Variants in SLC27A6 observed in about 807,000 individuals in gnomAD.
SLC27A6 encodes the protein solute carrier family 27 member 6.
SLC27A6 carries 74 observed loss-of-function variants against 63.9 expected under a neutral mutation model. That is an observed-to-expected ratio of 1.16 (90% CI 0.96 to 1.40). The LOEUF (loss-of-function observed/expected upper bound fraction) is 1.40, where lower values mean the gene tolerates loss of function less well. SLC27A6 is among the 40% of genes most tolerant of loss of function. The pLI is 0.00. For synonymous variants in SLC27A6, 287 were observed against 260.8 expected, an observed-to-expected ratio of 1.10 and a Z score of -0.97; for missense variants, 794 against 732.9, an observed-to-expected ratio of 1.08 and a Z score of -0.96.
chr5:129,024,487 G>T (rs983484257), intron 6 of SLC27A6, among the ~76,000 whole-genome samples: 2 of 152,060 alleles, frequency 1.3e-5, no homozygotes, highest in East Asian at 3.9e-4. Flanking sequence ...ATTAAGTGAG[G>T]TTATTGTGGA....
intron 4 of SLC27A6, among the ~76,000 whole-genome samples, chr5:129,005,608 A>ATTTTTTTTT (rs34048257): frequency 2.0e-5 from 2 of 98,916 alleles, no homozygotes; most frequent in African/African-American, 3.9e-5. Context: ...GTCTGGTTGT[A>ATTTTTTTTT]TTTTTTTTTT....
intron 9 of SLC27A6, among the ~76,000 whole-genome samples, chr5:129,031,638 T>C (rs1752418224): frequency 1.3e-5 from 2 of 151,936 alleles, no homozygotes; most frequent in South Asian, 4.2e-4. Flanking sequence ...GTGTTAAAAA[T>C]TTTGATATTC....
intron 4 of SLC27A6, among the ~76,000 whole-genome samples, chr5:129,001,669 T>A (rs554087123): frequency 9.8e-5 from 15 of 152,336 alleles, no homozygotes; most frequent in African/African-American, 3.4e-4. Context: ...GTTTCTTTTG[T>A]GTCTCTCCAC....
chr5:129,007,059 A>G (rs542256738), intron 4 of SLC27A6, among the ~76,000 whole-genome samples: 37 of 152,322 alleles, frequency 2.4e-4, no homozygotes, highest in African/African-American at 8.2e-4. Flanking sequence ...AAAATAATAT[A>G]TAGATTTTTT....
chr5:128,967,033 A>T (rs922442465), intron 1 of SLC27A6, among the ~76,000 whole-genome samples: 1 of 152,162 alleles, frequency 6.6e-6, no homozygotes, highest in Non-Finnish European at 1.5e-5. Flanking sequence ...CAGAAGAGAT[A>T]TGTTTAAAGG....
chr5:128,990,314 G>A (rs755824352), intron 3 of SLC27A6, 26 bp from the exon 4 acceptor site: 2 of 1,604,842 alleles, frequency 1.2e-6, no homozygotes, highest in Admixed American at 3.5e-5. Context: ...TTTTTCCCTA[G>A]TGCCTGTTTT....
At chr5:128,991,325 G>C (rs975961872) in intron 4 of SLC27A6, among the ~76,000 whole-genome samples, 2 of 152,176 alleles carry the variant, frequency 1.3e-5, no homozygotes, top group African/African-American at 4.8e-5. Context: ...AGGAAATCCA[G>C]CTAGTCCTGT....
intron 4 of SLC27A6, among the ~76,000 whole-genome samples, chr5:129,015,184 G>A (rs1283777484): frequency 6.6e-6 from 1 of 152,086 alleles, no homozygotes; most frequent in Non-Finnish European, 1.5e-5. Flanking sequence ...TTAGGTGAGT[G>A]TAAAAGTTCA....
At chr5:128,977,885 A>G (rs1433417332) in intron 1 of SLC27A6, among the ~76,000 whole-genome samples, 4 of 152,340 alleles carry the variant, frequency 2.6e-5, no homozygotes, top group South Asian at 2.1e-4. Flanking sequence ...AAAGCACCCC[A>G]ACATTGTTCT....
rs1410815882 is a variant in SLC27A6 at position 128,988,209 on chromosome 5, G to GA, written c.686-391_686-390insA. On this transcript the variant is annotated intron_variant, in intron 2 of 9. Coordinates refer to ENST00000262462, the MANE Select transcript of SLC27A6 (RefSeq NM_001017372.3). ...AAGCAGCCATTCAAGTGTATAGGTG[G>GA]CAAAAAAAGACATTTTCAGGCACAT... Among the ~76,000 whole-genome samples the GA allele has an allele frequency of 3.3e-4, 50 of 151,828 alleles. No homozygotes were observed. The South Asian group carries it at 6.2e-3, about 19-fold the overall frequency.
Position 128,990,343 on chromosome 5 carries a change from C to A in SLC27A6, c.848C>A (p.Ala283Asp). 1 of 1,612,682 alleles carries A rather than the reference C, an allele frequency of 6.2e-7. No homozygotes were observed. Among genetic ancestry groups the A allele is most frequent in the Non-Finnish European group, 8.5e-7 (1 of 1,179,666 alleles). The change falls in exon 4 of 10, where the codon GCC becomes GAC. Residue 283 changes from alanine to aspartate, a missense_variant. Ala to Asp is a moderately radical substitution (Grantham distance 126). Transcript: ENST00000262462. ...CTGTTTTTGTCTTTTCTTATAGGTGCCACTTGTGTGTTAAAGAAGAAATTT... is the reference window on the plus strand; with the variant it reads ...CTGTTTTTGTCTTTTCTTATAGGTGACACTTGTGTGTTAAAGAAGAAATTT... ...LGISGCVELG[A>D]TCVLKKKFSA...
Position 128,966,246 on chromosome 5 carries a change from G to A in SLC27A6, c.109G>A (p.Val37Met). 1 of 1,613,758 alleles carries A rather than the reference G, an allele frequency of 6.2e-7. No homozygotes were observed. The highest frequency in any genetic ancestry group is 1.3e-5 in the African/African-American group (1 of 75,024). ...GGATGACTTCTGGTTCGTGTTGAAG[G>A]TGGTGCTCATTATAATTCGGCTGAA... ...FWDDFWFVLK[V>M]VLIIIRLKKY... The change falls in exon 1 of 10, where the codon GTG becomes ATG. Residue 37 changes from valine to methionine, a missense_variant. Val to Met is a conservative substitution (Grantham distance 21). Coordinates refer to ENST00000262462, the MANE Select transcript of SLC27A6 (RefSeq NM_001017372.3).
intron 3 of SLC27A6, 80 bp downstream of exon 3, chr5:128,988,838 A>G: frequency 4.3e-6 from 5 of 1,168,272 alleles, no homozygotes; most frequent in Non-Finnish European, 6.1e-6. Flanking sequence ...TTGAAGCTGT[A>G]TCGGTAGAAT....
intron 4 of SLC27A6, among the ~76,000 whole-genome samples, chr5:129,004,079 G>A (rs1751440269): frequency 6.6e-6 from 1 of 151,912 alleles, no homozygotes; most frequent in African/African-American, 2.4e-5. Flanking sequence ...CAGCTCATTG[G>A]CTCTATTTTA....
At chr5:129,028,281 A>G (rs955022784) in intron 7 of SLC27A6, 64 bp from the exon 8 acceptor site, 115 of 1,081,016 alleles carry the variant, frequency 1.1e-4, no homozygotes, top group Non-Finnish European at 1.6e-4. Flanking sequence ...CATTAAAACT[A>G]AAACTGGGTA....
intron 6 of SLC27A6, among the ~76,000 whole-genome samples, chr5:129,026,472 T>C (rs1254751926): frequency 6.6e-6 from 1 of 152,146 alleles, no homozygotes. Flanking sequence ...ATCAAAAATT[T>C]CCAGAATAGC....
chr5:129,008,269 A>G (rs1053289541), intron 4 of SLC27A6, among the ~76,000 whole-genome samples: 21 of 152,190 alleles, frequency 1.4e-4, no homozygotes, highest in Admixed American at 1.1e-3. Context: ...TGGACATTAG[A>G]GAAATGAATT....
chr5:128,967,645 G>A (rs938169694), intron 1 of SLC27A6, among the ~76,000 whole-genome samples: 1 of 152,160 alleles, frequency 6.6e-6, no homozygotes, highest in African/African-American at 2.4e-5. Flanking sequence ...AAACCAAAGT[G>A]AGTTAGGCAG....
chr5:128,989,584 G>C (rs554943536), intron 3 of SLC27A6, among the ~76,000 whole-genome samples: 1 of 152,244 alleles, frequency 6.6e-6, no homozygotes, highest in African/African-American at 2.4e-5. Context: ...GAACTTTTTT[G>C]TTAGTACTAT....
Sources: gnomAD v4.1 joint callset for allele counts (sites outside exome capture counted in the v4.1 genomes callset) on GRCh38, gnomAD v4.1.1 for gene constraint, MANE v1.5 for transcripts, NCBI Gene and HGNC (gene_info 2026-07-23, HGNC 2026-07-21) for gene names.